The following GPC5 variants were observed in gnomAD, a reference collection of about 807,000 sequenced individuals.
GPC5 encodes the protein glypican 5, also known as glypican-5.
Under a neutral mutation model 53.9 loss-of-function variants are expected in GPC5, and 47 were observed. That is an observed-to-expected ratio of 0.87 (90% CI 0.69 to 1.11). GPC5 has a LOEUF of 1.11. Among genes scored for constraint, GPC5 ranks in the 50% most tolerant of loss-of-function variants. The pLI, the probability that GPC5 is intolerant of heterozygous loss-of-function variation, is 0.00. For synonymous variants in GPC5, 286 were observed against 263.3 expected (o/e 1.09, Z -0.84); for missense variants, 748 against 713.1 (o/e 1.05, Z -0.56).
At chr13:91,709,015 G>A (rs930032713) in intron 3 of GPC5, among the ~76,000 whole-genome samples, 1 of 152,124 alleles carries the variant, frequency 6.6e-6, no homozygotes, top group African/African-American at 2.4e-5. Flanking sequence ...AACTATTTTT[G>A]TTATTTAAGA....
intron 7 of GPC5, among the ~76,000 whole-genome samples, chr13:92,584,673 T>C (rs1387249424): frequency 2.0e-5 from 3 of 152,236 alleles, no homozygotes; most frequent in Admixed American, 1.3e-4. Flanking sequence ...ATGGGGACAA[T>C]GTCTCCAGGG....
chr13:92,738,979 G>A (rs1233779564), intron 7 of GPC5, among the ~76,000 whole-genome samples: 9 of 151,910 alleles, frequency 5.9e-5, no homozygotes, highest in Non-Finnish European at 1.2e-4. Flanking sequence ...AGTCTTCTTC[G>A]GTCCTTGCCT....
intron 6 of GPC5, among the ~76,000 whole-genome samples, chr13:91,915,398 C>G (rs1594660722): frequency 6.6e-6 from 1 of 152,116 alleles, no homozygotes; most frequent in East Asian, 1.9e-4. Flanking sequence ...AGTGTACAAT[C>G]AACTGGAAAG....
intron 7 of GPC5, among the ~76,000 whole-genome samples, chr13:92,616,362 C>G (rs1348565715): frequency 6.6e-6 from 1 of 152,012 alleles, no homozygotes; most frequent in Non-Finnish European, 1.5e-5. Context: ...ATCTTGAAAT[C>G]AAATATGCTT....
At chr13:92,859,928 G>A (rs1045389340) in intron 7 of GPC5, among the ~76,000 whole-genome samples, 1 of 152,080 alleles carries the variant, frequency 6.6e-6, no homozygotes, top group East Asian at 1.9e-4. Flanking sequence ...ACTGTCAAAA[G>A]ATCTAAACAA....
intron 7 of GPC5, among the ~76,000 whole-genome samples, chr13:92,397,603 C>T (rs1875346384): frequency 6.6e-6 from 1 of 152,316 alleles, no homozygotes; most frequent in East Asian, 1.9e-4. Flanking sequence ...TTCCGTGAAT[C>T]TGCCTCTCTG....
chr13:91,413,790 C>A (rs12874978), intron 1 of GPC5, among the ~76,000 whole-genome samples: 1 of 152,092 alleles, frequency 6.6e-6, no homozygotes, highest in Non-Finnish European at 1.5e-5. Flanking sequence ...TTTAACTTTG[C>A]GTGCTCTTTC....
chr13:92,003,676 T>A (rs977846833), intron 6 of GPC5, among the ~76,000 whole-genome samples: 5 of 152,244 alleles, frequency 3.3e-5, no homozygotes, highest in Non-Finnish European at 5.9e-5. Flanking sequence ...ATCCAATCTG[T>A]ATTTTGTTAT....
intron 2 of GPC5, among the ~76,000 whole-genome samples, chr13:91,467,798 A>G (rs1882340986): frequency 6.6e-6 from 1 of 152,178 alleles, no homozygotes; most frequent in African/African-American, 2.4e-5. Flanking sequence ...GTTTTAGGGA[A>G]TAATTTTTCC....
At chr13:92,602,230 TAAC>T (rs67711928) in intron 7 of GPC5, among the ~76,000 whole-genome samples, 72,846 of 98,034 alleles carry the variant, frequency 0.74, 25,998 homozygotes, top group South Asian at 0.85. Context: ...AATATATATA[TAAC>T]ATATATATAT....
intron 7 of GPC5, among the ~76,000 whole-genome samples, chr13:92,433,292 A>G (rs940041419): frequency 1.3e-5 from 2 of 152,158 alleles, no homozygotes; most frequent in African/African-American, 4.8e-5. Flanking sequence ...ATACAGAGAT[A>G]GCTATGGGGA....
intron 3 of GPC5, among the ~76,000 whole-genome samples, chr13:91,702,060 T>G (rs146731346): frequency 1.4e-3 from 219 of 152,254 alleles, no homozygotes; most frequent in Non-Finnish European, 2.5e-3. Context: ...ATATTAAACA[T>G]TTAAACATAC....
chr13:92,380,049 C>T (rs1270372582), intron 7 of GPC5, among the ~76,000 whole-genome samples: 1 of 152,190 alleles, frequency 6.6e-6, no homozygotes, highest in African/African-American at 2.4e-5. Context: ...TTTATGCCAA[C>T]CTAATATTAT....
At chr13:92,050,645 A>G (rs2041020283) in intron 6 of GPC5, among the ~76,000 whole-genome samples, 2 of 152,208 alleles carry the variant, frequency 1.3e-5, no homozygotes, top group Non-Finnish European at 2.9e-5. Flanking sequence ...AGAATAAGAC[A>G]TTTCACATAA....
intron 1 of GPC5, among the ~76,000 whole-genome samples, chr13:91,433,315 A>T (rs900118385): frequency 1.4e-4 from 21 of 151,522 alleles, no homozygotes; most frequent in African/African-American, 4.8e-4. Context: ...TCGTCATTTA[A>T]CATTAGGTAT....
At chr13:91,514,965 C>T (rs998596360) in intron 2 of GPC5, among the ~76,000 whole-genome samples, 9 of 152,186 alleles carry the variant, frequency 5.9e-5, no homozygotes, top group African/African-American at 2.2e-4. Flanking sequence ...AGCCACTAGC[C>T]TCATGGAATC....
At chr13:92,435,387 A>G (rs1047715029) in intron 7 of GPC5, among the ~76,000 whole-genome samples, 6 of 152,232 alleles carry the variant, frequency 3.9e-5, no homozygotes, top group Non-Finnish European at 8.8e-5. Context: ...CAAATGACAT[A>G]ATTTCTATGG....
At chr13:92,701,019 C>T (rs918016594) in intron 7 of GPC5, among the ~76,000 whole-genome samples, 2 of 151,980 alleles carry the variant, frequency 1.3e-5, no homozygotes, top group Non-Finnish European at 2.9e-5. Flanking sequence ...CAATTCTTTG[C>T]TGTTTCCCCC....
intron 7 of GPC5, among the ~76,000 whole-genome samples, chr13:92,763,610 C>T (rs1307398167): frequency 6.6e-6 from 1 of 152,166 alleles, no homozygotes; most frequent in African/African-American, 2.4e-5. Context: ...GCTATAGACT[C>T]AAGACCCTGG....
Sources: allele counts gnomAD v4.1 joint callset (sites outside exome capture counted in the v4.1 genomes callset), GRCh38; gene constraint gnomAD v4.1.1; transcripts MANE v1.5; gene names NCBI Gene and HGNC (gene_info 2026-07-23, HGNC 2026-07-21).